CREB5: variants seen among roughly 807,000 people sequenced by gnomAD.
CREB5 encodes the protein cAMP responsive element binding protein 5.
In CREB5, 19 loss-of-function variants were observed where a neutral mutation model predicts 57.1. The ratio of observed to expected loss-of-function variants is 0.33; its 90% CI spans 0.23 to 0.49. CREB5 has a LOEUF of 0.49. CREB5 is among the 20% of genes least tolerant of loss of function. CREB5 has a pLI of 0.99. For missense variants in CREB5, 579 were observed against 671.6 expected, an observed-to-expected ratio of 0.86 and a Z score of 1.52; for synonymous variants, 238 against 238.3, an observed-to-expected ratio of 1.00 and a Z score of 0.01.
At chr7:28,745,777 A>C (rs1360248372) in intron 7 of CREB5, among the ~76,000 whole-genome samples, 2 of 152,206 alleles carry the variant, frequency 1.3e-5, no homozygotes, top group Admixed American at 1.3e-4. Flanking sequence ...TGATCTGACC[A>C]TGGAGGCAAT....
rs1274702788 is a variant in CREB5 at position 28,319,397 on chromosome 7, G to A, written c.-25+19956G>A. The stretch of plus-strand genomic sequence containing the variant: ...TATTTTTACCCCTCAATGTTGGCAA[G>A]TTGCAGGGTAGCTTTATGGTAAAAG... On this transcript the variant is annotated intron_variant, in intron 1 of 9. Coordinates refer to the CREB5 transcript ENST00000396299. Among the ~76,000 whole-genome samples, 5 of 152,176 alleles carry A rather than the reference G, an allele frequency of 3.3e-5. 1 individual carries two copies. The highest frequency in any genetic ancestry group is 1.2e-4 in the African/African-American group (5 of 41,434).
At chr7:28,458,103 A>T (rs116815570) in intron 1 of CREB5, among the ~76,000 whole-genome samples, 3,711 of 152,220 alleles carry the variant, frequency 0.024, 152 homozygotes, top group African/African-American at 0.08. Flanking sequence ...CCAAGACAGA[A>T]CCCTGGAACA....
intron 1 of CREB5, among the ~76,000 whole-genome samples, chr7:28,390,044 GTT>G (rs35529627): frequency 4.2e-5 from 6 of 143,036 alleles, no homozygotes; most frequent in African/African-American, 1.5e-4. Flanking sequence ...AAGTAGGAGG[GTT>G]TTTTTTTTTT....
chr7:28,351,332 T>G (rs896202128), intron 1 of CREB5, among the ~76,000 whole-genome samples: 1 of 152,168 alleles, frequency 6.6e-6, no homozygotes, highest in African/African-American at 2.4e-5. Context: ...CCTCTTCCAC[T>G]CACAGGAGAT....
rs1246410476 is a variant in CREB5 at position 28,591,788 on chromosome 7, T to C, written c.464+21251T>C. 4.6e-5 allele frequency among the ~76,000 whole-genome samples: 7 copies of C among 152,178 alleles called. No individual in the cohort carries two copies. In the East Asian group the frequency reaches 1.2e-3, roughly 25 times the overall value. On this transcript the variant is annotated intron_variant, in intron 5 of 10. Coordinates refer to ENST00000357727, the MANE Select transcript of CREB5 (RefSeq NM_182898.4). ...AGTGGAGGTAAGTGCCAAATCTGAC[T>C]ATATGCAATGCTAATATAGTACTGG...
At chr7:28,515,756 A>T (rs28714354) in intron 4 of CREB5, among the ~76,000 whole-genome samples, 5 of 152,062 alleles carry the variant, frequency 3.3e-5, no homozygotes, top group Non-Finnish European at 7.4e-5. Context: ...CTTACTTCGT[A>T]CTGGGTTATT....
chr7:28,383,512 G>A (rs985046730), intron 1 of CREB5, among the ~76,000 whole-genome samples: 1 of 152,200 alleles, frequency 6.6e-6, no homozygotes, highest in African/African-American at 2.4e-5. Flanking sequence ...ACCTCAGGAA[G>A]ATTTAATGGC....
At chr7:28,410,180 C>A, upstream of CREB5, 1 of 445,700 alleles carries the variant, frequency 2.2e-6, no homozygotes. Flanking sequence ...GGGGAGGTCG[C>A]CCTCGGAGGG....
chr7:28,481,372 G>A (rs534338106), intron 1 of CREB5, among the ~76,000 whole-genome samples: 2 of 152,208 alleles, frequency 1.3e-5, no homozygotes, highest in Non-Finnish European at 2.9e-5. Flanking sequence ...GAACAGAATA[G>A]TAATATTTAA....
chr7:28,803,756 A>T lies in CREB5; in HGVS notation c.703-443A>T, dbSNP rs1480387232. 1.3e-4 allele frequency among the ~76,000 whole-genome samples: 4 copies of T among 31,420 alleles called. No homozygotes were observed. The African/African-American group carries it at 3.4e-3, about 27-fold the overall frequency. The allele number at this position is 31,420 out of a possible 152,430, so 20.6% of individuals were successfully genotyped here. ...GAGTGACAGAGCAAGACTCCATCTC[A>T]AAAAAAAAAAAAAAAAAAAAAATTA... On this transcript the variant is annotated intron_variant, in intron 7 of 10. Coordinates refer to ENST00000357727, the MANE Select transcript of CREB5 (RefSeq NM_182898.4).
chr7:28,749,968 T>C (rs988246088), intron 7 of CREB5, among the ~76,000 whole-genome samples: 1 of 152,222 alleles, frequency 6.6e-6, no homozygotes, highest in African/African-American at 2.4e-5. Context: ...AAGCTCACTA[T>C]ATCTTTTCTA....
At chr7:28,718,697 G>A (rs1802842366) in intron 5 of CREB5, 56 bp from the exon 6 acceptor site, 5 of 1,602,312 alleles carry the variant, frequency 3.1e-6, no homozygotes, top group Non-Finnish European at 3.4e-6. Flanking sequence ...TGGACACTGG[G>A]GAGACAGGGC....
At chr7:28,789,659 A>G (rs1447605388) in intron 7 of CREB5, among the ~76,000 whole-genome samples, 1 of 152,230 alleles carries the variant, frequency 6.6e-6, no homozygotes. Context: ...TGTAGGGCTT[A>G]CCATCTCTGC....
At chr7:28,808,730 T>G (rs1489069803) in intron 8 of CREB5, among the ~76,000 whole-genome samples, 1 of 143,612 alleles carries the variant, frequency 7.0e-6, no homozygotes, top group Non-Finnish European at 1.5e-5. Context: ...TTTTTTTTTT[T>G]TTTTTTTTTT....
chr7:28,437,490 C>G (rs573637899), intron 1 of CREB5, among the ~76,000 whole-genome samples: 27 of 152,214 alleles, frequency 1.8e-4, no homozygotes, highest in African/African-American at 6.5e-4. Flanking sequence ...TTCCATAGAT[C>G]TTCCTTCTAT....
intron 1 of CREB5, among the ~76,000 whole-genome samples, chr7:28,457,620 A>G (rs1468127850): frequency 1.3e-5 from 2 of 152,214 alleles, no homozygotes; most frequent in Non-Finnish European, 2.9e-5. Context: ...GTGCTTGGGT[A>G]TATTAGAGAT....
chr7:28,382,025 G>C (rs1786976179), intron 1 of CREB5, among the ~76,000 whole-genome samples: 1 of 152,268 alleles, frequency 6.6e-6, no homozygotes, highest in African/African-American at 2.4e-5. Context: ...GAAGGCCTCA[G>C]AGTGGAAGCC....
intron 1 of CREB5, among the ~76,000 whole-genome samples, chr7:28,379,554 C>T (rs1786917121): frequency 1.3e-5 from 2 of 152,226 alleles, no homozygotes; most frequent in Admixed American, 1.3e-4. Flanking sequence ...AAAGCCAAGG[C>T]TCTGCTCTCA....
chr7:28,651,571 A>G (rs1281582194), intron 5 of CREB5, among the ~76,000 whole-genome samples: 1 of 152,114 alleles, frequency 6.6e-6, no homozygotes, highest in South Asian at 2.1e-4. Context: ...GTGAGACCCC[A>G]TCTCTACAAA....
Sources: allele counts gnomAD v4.1 joint callset (sites outside exome capture counted in the v4.1 genomes callset), GRCh38; gene constraint gnomAD v4.1.1; transcripts MANE v1.5; gene names NCBI Gene and HGNC (gene_info 2026-07-23, HGNC 2026-07-21).